Variants in SMYD3 observed in about 807,000 individuals in gnomAD.
The protein encoded by SMYD3 is SET and MYND domain containing 3, also known as histone-lysine N-methyltransferase SMYD3.
A neutral mutation model predicts 57.7 loss-of-function variants in SMYD3; 36 were observed. The ratio of observed to expected loss-of-function variants is 0.62; its 90% CI spans 0.48 to 0.82. The LOEUF is 0.82. Among genes scored for constraint, SMYD3 ranks in the 40% least tolerant of loss-of-function variants. SMYD3 has a pLI of 0.00. For missense variants in SMYD3, 515 were observed against 538.8 expected, an observed-to-expected ratio of 0.96 and a Z score of 0.44; for synonymous variants, 211 against 195.0, an observed-to-expected ratio of 1.08 and a Z score of -0.68.
rs569353308 is a variant in SMYD3, at chr1:246,269,490, C to T, written c.531+57711G>A. Among the ~76,000 whole-genome samples, 147 of 151,908 alleles carry T rather than the reference C, an allele frequency of 9.7e-4. 1 individual carries two copies. The highest frequency in any genetic ancestry group is 3.5e-3 in the African/African-American group (146 of 41,486). On this transcript the variant is annotated intron_variant, in intron 5 of 11. Coordinates refer to ENST00000490107, the MANE Select transcript of SMYD3 (RefSeq NM_001167740.2). Reference sequence around the variant, plus strand: ...CTCTTCCCCCATATTCCAGTATGACCCTGGAATTTATTCTGTCAAATATTA... The same window carrying T: ...CTCTTCCCCCATATTCCAGTATGACTCTGGAATTTATTCTGTCAAATATTA...
At chr1:245,866,934 C>T (rs1300331733) in intron 8 of SMYD3, among the ~76,000 whole-genome samples, 2 of 152,290 alleles carry the variant, frequency 1.3e-5, no homozygotes, top group African/African-American at 2.4e-5. Flanking sequence ...CATTTCACAA[C>T]TGGCAGCTTA....
At chr1:246,090,239 C>A (rs73139832) in intron 5 of SMYD3, among the ~76,000 whole-genome samples, 1 of 152,144 alleles carries the variant, frequency 6.6e-6, no homozygotes, top group Non-Finnish European at 1.5e-5. Context: ...AACTGTCCAA[C>A]ATACATAATC....
chr1:246,364,672 G>A (rs4654104), intron 1 of SMYD3, among the ~76,000 whole-genome samples: 23,728 of 152,162 alleles, frequency 0.16, 2,108 homozygotes, highest in East Asian at 0.3. Context: ...GAACAGAAGT[G>A]AGTTATGGGA....
chr1:246,060,513 AT>A (rs2148351675), intron 5 of SMYD3, among the ~76,000 whole-genome samples: 1 of 152,194 alleles, frequency 6.6e-6, no homozygotes, highest in African/African-American at 2.4e-5. Flanking sequence ...GTCTTTCTTG[AT>A]TTCTGAAGAT....
At chr1:246,234,007 C>T (rs376945212) in intron 5 of SMYD3, among the ~76,000 whole-genome samples, 2 of 140,380 alleles carry the variant, frequency 1.4e-5, no homozygotes, top group African/African-American at 5.3e-5. Flanking sequence ...ACATATACCA[C>T]ACAGAGGAGA....
chr1:246,182,668 T>C (rs565402225), intron 5 of SMYD3, among the ~76,000 whole-genome samples: 2 of 152,306 alleles, frequency 1.3e-5, no homozygotes, highest in African/African-American at 4.8e-5. Context: ...ATAAAGCACT[T>C]TGAGTCACAA....
chr1:246,505,677 C>A (rs2068526859), intron 1 of SMYD3, among the ~76,000 whole-genome samples: 1 of 152,042 alleles, frequency 6.6e-6, no homozygotes, highest in African/African-American at 2.4e-5. Flanking sequence ...CCAGTTACTG[C>A]AAACAGGAAA....
At chr1:245,900,243 C>A (rs561573306) in intron 8 of SMYD3, among the ~76,000 whole-genome samples, 1 of 152,312 alleles carries the variant, frequency 6.6e-6, no homozygotes, top group South Asian at 2.1e-4. Flanking sequence ...TTGACTTCCT[C>A]TTGCATAAAG....
intron 1 of SMYD3, among the ~76,000 whole-genome samples, chr1:246,503,800 T>TA (rs2068494553): frequency 6.6e-6 from 1 of 151,936 alleles, no homozygotes; most frequent in Non-Finnish European, 1.5e-5. Context: ...CCATCTCTAC[T>TA]AAAAATACAA....
At chr1:245,950,208 G>A (rs2057578523) in intron 5 of SMYD3, among the ~76,000 whole-genome samples, 1 of 152,048 alleles carries the variant, frequency 6.6e-6, no homozygotes, top group Admixed American at 6.6e-5. Flanking sequence ...ATACTGTTAG[G>A]TGAGGTTAGC....
At chr1:246,016,111 A>G (rs1572894875) in intron 5 of SMYD3, among the ~76,000 whole-genome samples, 1 of 152,192 alleles carries the variant, frequency 6.6e-6, no homozygotes, top group Non-Finnish European at 1.5e-5. Context: ...CTATAAAAAA[A>G]TAAGTATCAG....
At chr1:245,858,344 T>A in intron 10 of SMYD3, 152 bp downstream of exon 10, 2 of 739,184 alleles carry the variant, frequency 2.7e-6, no homozygotes, top group South Asian at 4.4e-5. Flanking sequence ...ACAAGAGGAG[T>A]GAATAAAATA....
intron 5 of SMYD3, among the ~76,000 whole-genome samples, chr1:246,089,458 T>C (rs954906640): frequency 6.6e-6 from 1 of 152,170 alleles, no homozygotes; most frequent in African/African-American, 2.4e-5. Flanking sequence ...GTGAATTATT[T>C]TGGGAAAGGT....
At chr1:246,147,181 C>T (rs938962978) in intron 5 of SMYD3, among the ~76,000 whole-genome samples, 16 of 100,190 alleles carry the variant, frequency 1.6e-4, no homozygotes, top group African/African-American at 3.6e-4. Context: ...ACAACGCTGC[C>T]CCGGCAAACC....
intron 1 of SMYD3, among the ~76,000 whole-genome samples, chr1:246,499,923 T>A (rs2068431835): frequency 6.6e-6 from 1 of 152,196 alleles, no homozygotes; most frequent in South Asian, 2.1e-4. Context: ...AAAGGGGTCC[T>A]GAGACTAAAA....
At chr1:246,270,242 A>G (rs924401568) in intron 5 of SMYD3, among the ~76,000 whole-genome samples, 2 of 152,184 alleles carry the variant, frequency 1.3e-5, no homozygotes, top group Admixed American at 1.3e-4. Context: ...ACATCAAACC[A>G]TTCATTTCTC....
chr1:246,366,200 AAACT>A (rs924722260), intron 1 of SMYD3, among the ~76,000 whole-genome samples: 3 of 152,248 alleles, frequency 2.0e-5, no homozygotes, highest in Non-Finnish European at 2.9e-5. Context: ...GAAGTTTGGT[AAACT>A]AACTAACAAG....
At chr1:246,017,195 T>TAGAGCC (rs2059392668) in intron 5 of SMYD3, among the ~76,000 whole-genome samples, 1 of 152,166 alleles carries the variant, frequency 6.6e-6, no homozygotes, top group Non-Finnish European at 1.5e-5. Context: ...ATCTTAAACT[T>TAGAGCC]AGAGAACAGT....
chr1:246,139,498 ACT>A (rs1372606764), intron 5 of SMYD3, among the ~76,000 whole-genome samples: 2 of 152,144 alleles, frequency 1.3e-5, no homozygotes, highest in Non-Finnish European at 2.9e-5. Flanking sequence ...AATTTAGCAA[ACT>A]CTGCACTCTT....
Sources: allele counts gnomAD v4.1 joint callset (sites outside exome capture counted in the v4.1 genomes callset), GRCh38; gene constraint gnomAD v4.1.1; transcripts MANE v1.5; gene names NCBI Gene and HGNC (gene_info 2026-07-23, HGNC 2026-07-21).